Variants in KANK1 observed in about 807,000 individuals in gnomAD.
KANK1 encodes the protein KN motif and ankyrin repeat domain-containing protein 1.
In KANK1, 109 loss-of-function variants were observed where a neutral mutation model predicts 106.2. The observed-to-expected ratio is 1.03, with a 90% confidence interval of 0.88 to 1.20. The LOEUF is 1.20. Among genes scored for constraint, KANK1 ranks in the 50% most tolerant of loss-of-function variants. KANK1 has a pLI of 0.00. For missense variants in KANK1, 2,399 were observed against 1,710.7 expected (o/e 1.40, Z -7.10); for synonymous variants, 873 against 652.2 (o/e 1.34, Z -5.16).
At chr9:737,575 T>G (rs1172030578) in intron 7 of KANK1, among the ~76,000 whole-genome samples, 2 of 152,238 alleles carry the variant, frequency 1.3e-5, no homozygotes, top group Non-Finnish European at 2.9e-5. Context: ...CTTCTTCATG[T>G]GTCCACAGCC....
chr9:613,486 CATT>C (rs1397133928), intron 1 of KANK1, among the ~76,000 whole-genome samples: 1 of 151,920 alleles, frequency 6.6e-6, no homozygotes, highest in East Asian at 1.9e-4. Context: ...CATAAGCTAT[CATT>C]AGTGTTAGTG....
intron 1 of KANK1, among the ~76,000 whole-genome samples, chr9:581,808 G>T (rs1822227624): frequency 6.6e-6 from 1 of 152,140 alleles, no homozygotes. Flanking sequence ...CTTCTGGGCT[G>T]CATTTGAGGC....
chr9:679,099 G>A (rs1285035298), intron 2 of KANK1, among the ~76,000 whole-genome samples: 3 of 152,072 alleles, frequency 2.0e-5, no homozygotes, highest in African/African-American at 7.2e-5. Flanking sequence ...TGCCTAACAG[G>A]TCTGGGCATT....
In KANK1 at chr9:711,869, G is replaced by A. The variant is rs149775124; in HGVS notation, c.1103G>A (p.Arg368Gln). ...EQSTQRIKEFRQLTADMQALE... is the reference protein window; with the variant it reads ...EQSTQRIKEFQQLTADMQALE... ...AGCACGCAGAGGATAAAGGAGTTCC[G>A]GCAACTTACAGCAGACATGCAAGCC... is the stretch of plus-strand genomic sequence containing the variant. The change falls in exon 3 of 12, where the codon CGG becomes CAG. Residue 368 changes from arginine to glutamine, a missense_variant. Transcript: ENST00000382297. 3,260 of 1,614,114 alleles carry A rather than the reference G, an allele frequency of 2.0e-3. 5 individuals carry two copies. The highest frequency in any genetic ancestry group is 2.4e-3 in the Non-Finnish European group (2,851 of 1,180,030).
chr9:729,798 C>T (rs1831709814), intron 3 of KANK1, among the ~76,000 whole-genome samples: 1 of 152,060 alleles, frequency 6.6e-6, no homozygotes. Flanking sequence ...ACTTCCATGA[C>T]TAGAAACCAA....
intron 5 of KANK1, chr9:732,128 A>G (rs1832463099): frequency 5.6e-6 from 2 of 358,894 alleles, no homozygotes; most frequent in Non-Finnish European, 1.0e-5. Flanking sequence ...TAAGCCGGAG[A>G]TGCCATTATT....
intron 1 of KANK1, among the ~76,000 whole-genome samples, chr9:653,184 C>G (rs79490619): frequency 0.047 from 7,205 of 152,156 alleles, 467 homozygotes; most frequent in East Asian, 0.22. Context: ...CTGGAAGTGT[C>G]ATTAGGGCTG....
chr9:727,354 C>T (rs759177557), intron 3 of KANK1, among the ~76,000 whole-genome samples: 15 of 151,842 alleles, frequency 9.9e-5, no homozygotes, highest in African/African-American at 2.2e-4. Flanking sequence ...CTCGCTCTGC[C>T]GCCCAGGCTG....
chr9:626,719 G>T lies in KANK1; in HGVS notation c.-83-50171G>T, dbSNP rs892979709. Among the ~76,000 whole-genome samples the T allele has an allele frequency of 4.9e-4, 74 of 152,168 alleles. 1 individual carries two copies. The highest frequency in any genetic ancestry group is 1.7e-3 in the African/African-American group (71 of 41,432). ...ACAAAAAACAAAACCCACCAATTCA[G>T]GACAGAATATATTTGTGCTTAAACA... On this transcript the variant is annotated intron_variant, in intron 1 of 11. Transcript: ENST00000382297.
intron 1 of KANK1, among the ~76,000 whole-genome samples, chr9:646,829 G>GACT (rs1839777710): frequency 1.3e-5 from 2 of 149,544 alleles, no homozygotes; most frequent in Admixed American, 6.6e-5. Flanking sequence ...GCTGGGATGG[G>GACT]ACTACAGGTG....
intron 1 of KANK1, among the ~76,000 whole-genome samples, chr9:529,791 T>A (rs984143397): frequency 6.6e-6 from 1 of 152,234 alleles, no homozygotes; most frequent in Non-Finnish European, 1.5e-5. Context: ...TAGTGCCATG[T>A]GTGATGAATA....
chr9:576,296 C>G (rs1820541087), intron 1 of KANK1, among the ~76,000 whole-genome samples: 1 of 152,142 alleles, frequency 6.6e-6, no homozygotes, highest in South Asian at 2.1e-4. Context: ...ATAACATACC[C>G]TTGGGTCCTG....
Position 732,892 on chromosome 9 carries a change from G to C in KANK1, c.3245+275G>C, listed in dbSNP as rs10429606. ...ATGGAACCACAATCCACTAAAACTT[G>C]CATTGTTTGAACACCTTACCTTATA... is the stretch of plus-strand genomic sequence containing the variant. On this transcript the variant is annotated intron_variant, in intron 6 of 11. Transcript: ENST00000382297. 139,066 of 273,430 alleles carry C rather than the reference G, an allele frequency of 0.51. 36,573 individuals carry two copies. Among genetic ancestry groups the C allele is most frequent in the African/African-American group, 0.55 (25,614 of 46,210 alleles). 16.9% of individuals were successfully genotyped at this position (273,430 alleles called of 1,614,324 possible).
chr9:741,633 G>A (rs763049290), intron 9 of KANK1, among the ~76,000 whole-genome samples: 4 of 151,976 alleles, frequency 2.6e-5, no homozygotes, highest in Non-Finnish European at 5.9e-5. Flanking sequence ...GACTACAGGC[G>A]CCCACCCCCA....
intron 1 of KANK1, among the ~76,000 whole-genome samples, chr9:656,480 GCT>G (rs1842170854): frequency 6.6e-6 from 1 of 152,256 alleles, no homozygotes; most frequent in Admixed American, 6.5e-5. Context: ...AGGGGACAAG[GCT>G]CTGTCTCCTG....
chr9:537,657 A>G (rs971953638), intron 1 of KANK1, among the ~76,000 whole-genome samples: 6 of 152,042 alleles, frequency 3.9e-5, no homozygotes, highest in Non-Finnish European at 8.8e-5. Context: ...CATTCGGAGC[A>G]GTGATTCTCA....
In KANK1 at chr9:625,578, G is replaced by A. The variant is rs143211690; in HGVS notation, c.-83-51312G>A. ...TTCTACAAACCTTCTTGTGCGAGGA[G>A]TATCTGGAAAAAAAAAACAACATTG... On this transcript the variant is annotated intron_variant, in intron 1 of 11. Transcript: ENST00000382297. Among the ~76,000 whole-genome samples the A allele has an allele frequency of 1.6e-3, 248 of 151,272 alleles. 3 individuals carry two copies. The highest frequency in any genetic ancestry group is 5.7e-3 in the African/African-American group (232 of 40,848).
chr9:725,972 G>A (rs901111755), intron 3 of KANK1, among the ~76,000 whole-genome samples: 4 of 152,168 alleles, frequency 2.6e-5, no homozygotes, highest in African/African-American at 9.6e-5. Context: ...AAATACTAGA[G>A]ACAAAAAGAA....
At chr9:728,867 C>G (rs1831459649) in intron 3 of KANK1, among the ~76,000 whole-genome samples, 1 of 152,292 alleles carries the variant, frequency 6.6e-6, no homozygotes, top group African/African-American at 2.4e-5. Context: ...GACCTGGAAG[C>G]CCACCCTTAT....
Sources: gnomAD v4.1 joint callset for allele counts (sites outside exome capture counted in the v4.1 genomes callset) on GRCh38, gnomAD v4.1.1 for gene constraint, MANE v1.5 for transcripts, NCBI Gene and HGNC (gene_info 2026-07-23, HGNC 2026-07-21) for gene names.